Variants in TRHDE observed in about 807,000 individuals in gnomAD.
TRHDE encodes thyrotropin-releasing hormone-degrading ectoenzyme.
A neutral mutation model predicts 125.7 loss-of-function variants in TRHDE; 72 were observed. The observed-to-expected ratio is 0.57, with a 90% CI of 0.47 to 0.70. The LOEUF is 0.70. TRHDE is among the 30% of genes least tolerant of loss of function. The pLI is 0.00. For missense variants in TRHDE, 1,110 were observed against 1,327.1 expected, an observed-to-expected ratio of 0.84 and a Z score of 2.54; for synonymous variants, 509 against 509.1, an observed-to-expected ratio of 1.00 and a Z score of 0.00.
At chr12:72,632,836 A>C (rs186914787) in intron 15 of TRHDE, among the ~76,000 whole-genome samples, 111 of 150,630 alleles carry the variant, frequency 7.4e-4, no homozygotes, top group Middle Eastern at 3.5e-3. Context: ...ATTCACAATG[A>C]ATTTTTTGGC....
chr12:72,115,068 T>C (rs1875411089), intron 2 of TRHDE, among the ~76,000 whole-genome samples: 2 of 152,106 alleles, frequency 1.3e-5, no homozygotes, highest in South Asian at 4.1e-4. Context: ...TATCCATCTA[T>C]CCTTTCTTTG....
intron 15 of TRHDE, among the ~76,000 whole-genome samples, chr12:72,650,583 A>C (rs754337811): frequency 6.6e-6 from 1 of 152,090 alleles, no homozygotes; most frequent in Non-Finnish European, 1.5e-5. Context: ...CTAGTGTATT[A>C]ATTGCTTAAT....
chr12:72,589,647 T>G (rs1178844065), intron 12 of TRHDE, among the ~76,000 whole-genome samples: 1 of 152,188 alleles, frequency 6.6e-6, no homozygotes, highest in Non-Finnish European at 1.5e-5. Context: ...GAGTCTATTT[T>G]GGTAATTTGT....
intron 6 of TRHDE, among the ~76,000 whole-genome samples, chr12:72,505,415 A>T (rs1388954785): frequency 6.6e-6 from 1 of 152,224 alleles, no homozygotes; most frequent in Non-Finnish European, 1.5e-5. Flanking sequence ...TTCTAAAAGC[A>T]CAAAGGAAAC....
At chr12:72,254,017 T>C (rs745971310) in intron 2 of TRHDE, 4 of 152,108 alleles carry the variant, frequency 2.6e-5, no homozygotes, top group Non-Finnish European at 5.9e-5. Flanking sequence ...TATGAATTCT[T>C]AATAAAAAAT....
intron 1 of TRHDE, among the ~76,000 whole-genome samples, chr12:72,090,189 T>G (rs950770839): frequency 6.6e-5 from 10 of 152,166 alleles, no homozygotes; most frequent in African/African-American, 9.7e-5. Flanking sequence ...GAAGGTGTCT[T>G]AGGGAGAGCA....
At chr12:72,302,945 C>A (rs1868283942) in intron 2 of TRHDE, among the ~76,000 whole-genome samples, 1 of 152,130 alleles carries the variant, frequency 6.6e-6, no homozygotes, top group Non-Finnish European at 1.5e-5. Flanking sequence ...AGTAGCACAT[C>A]CGATGTGACA....
At chr12:72,501,197 A>T (rs529985701) in intron 6 of TRHDE, among the ~76,000 whole-genome samples, 1 of 152,210 alleles carries the variant, frequency 6.6e-6, no homozygotes, top group Non-Finnish European at 1.5e-5. Flanking sequence ...TGTACATAGA[A>T]TGCAATTCAT....
chr12:72,569,139 C>A lies in TRHDE; in HGVS notation c.2131+483C>A, dbSNP rs550775588. Among the ~76,000 whole-genome samples the A allele has an allele frequency of 2.0e-5, 3 of 152,220 alleles. No homozygotes were observed. In the East Asian group the frequency reaches 5.8e-4, roughly 29 times the overall value. On this transcript the variant is annotated intron_variant, in intron 10 of 18. Coordinates refer to ENST00000261180, the MANE Select transcript of TRHDE (RefSeq NM_013381.3). ...GGGCTTGGACAGGTTAGCAAGCCAT[C>A]TCTTAGGTGGGGTCAAACCTCAAGG...
chr12:72,266,318 C>T lies in TRHDE; in HGVS notation n.280-111677C>T, dbSNP rs150956291. Among the ~76,000 whole-genome samples, 632 of 151,772 alleles carry T rather than the reference C, an allele frequency of 4.2e-3. 4 individuals are homozygous for T. Among genetic ancestry groups the T allele is most frequent in the African/African-American group, 0.014 (579 of 41,406 alleles). ...GCACCATTCAAATTATGTAAATTTG[C>T]GCTGTCAAATAAGCCTGGGTTAAAT... On this transcript the variant is annotated intron_variant and non_coding_transcript_variant, in intron 2 of 4. Coordinates refer to the TRHDE transcript ENST00000548156.
intron 1 of TRHDE, chr12:72,274,993 C>T (rs1397449970): frequency 2.6e-5 from 4 of 152,224 alleles, no homozygotes; most frequent in East Asian, 1.9e-4. Context: ...AGATGAACAA[C>T]CAAAGTGAGC....
chr12:72,654,746 T>G (rs1874639880), intron 17 of TRHDE, among the ~76,000 whole-genome samples: 1 of 152,140 alleles, frequency 6.6e-6, no homozygotes, highest in African/African-American at 2.4e-5. Flanking sequence ...GTTATATCAA[T>G]TTAACATTTT....
intron 9 of TRHDE, among the ~76,000 whole-genome samples, chr12:72,567,959 C>T (rs1273804855): frequency 1.3e-5 from 2 of 152,048 alleles, no homozygotes; most frequent in Non-Finnish European, 2.9e-5. Context: ...GATGCTTTGA[C>T]ACATCAAGCT....
At chr12:72,399,504 A>G (rs1026843932) in intron 3 of TRHDE, among the ~76,000 whole-genome samples, 1 of 152,126 alleles carries the variant, frequency 6.6e-6, no homozygotes, top group Non-Finnish European at 1.5e-5. Flanking sequence ...GGAAACAGAG[A>G]TGTTTTACTT....
At chr12:72,434,309 C>T (rs1048219199) in intron 3 of TRHDE, among the ~76,000 whole-genome samples, 2 of 148,990 alleles carry the variant, frequency 1.3e-5, no homozygotes, top group South Asian at 2.1e-4. Context: ...CACTTGACCC[C>T]GGGAGGCAGA....
chr12:72,564,715 T>C (rs1592539433), intron 9 of TRHDE, among the ~76,000 whole-genome samples: 1 of 123,294 alleles, frequency 8.1e-6, no homozygotes, highest in African/African-American at 3.0e-5. Flanking sequence ...TCTCCCAGGC[T>C]GGAGTGCAGT....
chr12:72,402,671 G>A (rs1873093507), intron 3 of TRHDE, among the ~76,000 whole-genome samples: 1 of 152,152 alleles, frequency 6.6e-6, no homozygotes, highest in South Asian at 2.1e-4. Flanking sequence ...GGTACTGAGG[G>A]TTAGGATGTC....
At chr12:72,566,425 T>C (rs1022258186) in intron 9 of TRHDE, among the ~76,000 whole-genome samples, 22 of 151,020 alleles carry the variant, frequency 1.5e-4, no homozygotes, top group African/African-American at 5.4e-4. Context: ...AGTTAACTTG[T>C]ATCTGAACAG....
rs59849205 is a variant in TRHDE, at chr12:72,586,793, G to GA, written c.2321+11266dup. 2.7e-3 allele frequency among the ~76,000 whole-genome samples: 304 copies of GA among 110,904 alleles called. 2 individuals carry two copies. The highest frequency in any genetic ancestry group is 0.017 in the South Asian group (53 of 3,088). The allele number at this position is 110,904 out of a possible 152,430, so 72.8% of individuals were successfully genotyped here. On this transcript the variant is annotated intron_variant, in intron 12 of 18. Coordinates refer to ENST00000261180, the MANE Select transcript of TRHDE (RefSeq NM_013381.3). ...ACCAGGTGGTCATGCTAACCAAAAT[G>GA]AAAAAAAAAAAAAAAGAGTTTGCAA...
Sources: gnomAD v4.1 joint callset for allele counts (sites outside exome capture counted in the v4.1 genomes callset) on GRCh38, gnomAD v4.1.1 for gene constraint, MANE v1.5 for transcripts, NCBI Gene and HGNC (gene_info 2026-07-23, HGNC 2026-07-21) for gene names.